The following CSTPP1 variants were observed in gnomAD, a reference collection of about 807,000 sequenced individuals.
The protein encoded by CSTPP1 is centriolar satellite-associated tubulin polyglutamylase complex regulator 1, also known as UPF0705 protein C11orf49.
At chr11:46,995,778 A>G in the CSTPP1 span, among the ~76,000 whole-genome samples, 14 of 152,286 alleles carry the variant, frequency 9.2e-5, no homozygotes, top group South Asian at 1.7e-3. Flanking sequence ...AGAGTTCTGT[A>G]GATGTCTACT....
chr11:47,141,104 A>G, the CSTPP1 span, among the ~76,000 whole-genome samples: 1 of 152,190 alleles, frequency 6.6e-6, no homozygotes, highest in South Asian at 2.1e-4. Flanking sequence ...TTGGGATACA[A>G]TTCACATACC....
At chr11:47,081,359 T>A in the CSTPP1 span, among the ~76,000 whole-genome samples, 1 of 152,132 alleles carries the variant, frequency 6.6e-6, no homozygotes, top group African/African-American at 2.4e-5. Flanking sequence ...ATAATAGATA[T>A]TAAAATCTGT....
the CSTPP1 span, among the ~76,000 whole-genome samples, chr11:47,022,218 G>A: frequency 6.6e-6 from 1 of 151,120 alleles, no homozygotes; most frequent in Non-Finnish European, 1.5e-5. Flanking sequence ...AATAATATTA[G>A]TCTGGTCCTC....
chr11:47,044,241 C>T, the CSTPP1 span, among the ~76,000 whole-genome samples: 1 of 152,250 alleles, frequency 6.6e-6, no homozygotes, highest in East Asian at 1.9e-4. Flanking sequence ...CCCGCCTCGA[C>T]CTCCCAAAAT....
chr11:46,974,282 C>G, the CSTPP1 span, among the ~76,000 whole-genome samples: 1 of 152,146 alleles, frequency 6.6e-6, no homozygotes, highest in Non-Finnish European at 1.5e-5. Context: ...AATCCCAGCA[C>G]TTTGGAAGGC....
the CSTPP1 span, among the ~76,000 whole-genome samples, chr11:47,131,932 GTGCCAC>G: frequency 6.6e-6 from 1 of 151,872 alleles, no homozygotes; most frequent in African/African-American, 2.4e-5. Context: ...AGCCGAGATT[GTGCCAC>G]TGCACTCCAG....
chr11:47,057,793 G>A, the CSTPP1 span, among the ~76,000 whole-genome samples: 1 of 152,070 alleles, frequency 6.6e-6, no homozygotes, highest in African/African-American at 2.4e-5. Flanking sequence ...GAAAACAGTG[G>A]GCCAAACAAT....
At chr11:47,107,593 T>C in the CSTPP1 span, among the ~76,000 whole-genome samples, 5 of 152,198 alleles carry the variant, frequency 3.3e-5, no homozygotes, top group African/African-American at 1.2e-4. Context: ...TGGACAGTAT[T>C]GCCTTTTATT....
chr11:46,989,988 T>G, the CSTPP1 span, among the ~76,000 whole-genome samples: 1 of 152,246 alleles, frequency 6.6e-6, no homozygotes, highest in Non-Finnish European at 1.5e-5. Context: ...CATTCTTTTT[T>G]ATGGCTGCAT....
the CSTPP1 span, among the ~76,000 whole-genome samples, chr11:46,958,847 T>C: frequency 6.6e-6 from 1 of 152,316 alleles, no homozygotes; most frequent in African/African-American, 2.4e-5. Context: ...CAGGGCAAGA[T>C]GAGAGGGAGA....
chr11:47,111,273 T>A, the CSTPP1 span, among the ~76,000 whole-genome samples: 4 of 152,228 alleles, frequency 2.6e-5, no homozygotes, highest in African/African-American at 9.6e-5. Context: ...CTGTGCCTAG[T>A]GTCAAGAGAG....
the CSTPP1 span, among the ~76,000 whole-genome samples, chr11:47,027,562 A>G: frequency 2.0e-5 from 3 of 152,238 alleles, no homozygotes; most frequent in Non-Finnish European, 4.4e-5. Context: ...TGGTGAAGTG[A>G]TCAAGGAAAG....
chr11:46,964,386 C>G, the CSTPP1 span, among the ~76,000 whole-genome samples: 15,229 of 151,894 alleles, frequency 0.1, 2,542 homozygotes, highest in African/African-American at 0.35. Context: ...CCCGGGTTCA[C>G]GCCATTCTCC....
the CSTPP1 span, chr11:47,123,104 T>C: frequency 6.6e-6 from 1 of 152,378 alleles, no homozygotes; most frequent in Non-Finnish European, 1.5e-5. Context: ...TCATGTACTT[T>C]GTTTTCATCT....
chr11:47,102,582 C>A, the CSTPP1 span, among the ~76,000 whole-genome samples: 1 of 151,218 alleles, frequency 6.6e-6, no homozygotes, highest in Non-Finnish European at 1.5e-5. Flanking sequence ...GGGGAGTGGA[C>A]AAATAGAAAA....
At chr11:47,135,955 A>G in the CSTPP1 span, among the ~76,000 whole-genome samples, 1 of 151,242 alleles carries the variant, frequency 6.6e-6, no homozygotes, top group Non-Finnish European at 1.5e-5. Flanking sequence ...GACTCCTAGC[A>G]TTGTCTTTCT....
chr11:47,069,035 T>A, the CSTPP1 span, among the ~76,000 whole-genome samples: 1 of 152,210 alleles, frequency 6.6e-6, no homozygotes, highest in African/African-American at 2.4e-5. Context: ...ATATTAAAAT[T>A]TACTGTGTAA....
chr11:47,069,966 G>C, the CSTPP1 span, among the ~76,000 whole-genome samples: 1 of 152,210 alleles, frequency 6.6e-6, no homozygotes, highest in South Asian at 2.1e-4. Flanking sequence ...ACCCGCCTTG[G>C]CCTCCCAAAG....
At chr11:47,122,091 A>AAAAAAAAAAAAAAAAAAAT in the CSTPP1 span, among the ~76,000 whole-genome samples, 2 of 31,840 alleles carry the variant, frequency 6.3e-5, no homozygotes, top group Admixed American at 4.9e-4. Context: ...AAAAAAAAAA[A>AAAAAAAAAAAAAAAAAAAT]ATATATATAT....
Sources: gnomAD v4.1 joint callset for allele counts (sites outside exome capture counted in the v4.1 genomes callset) on GRCh38, gnomAD v4.1.1 for gene constraint, MANE v1.5 for transcripts, NCBI Gene and HGNC (gene_info 2026-07-23, HGNC 2026-07-21) for gene names.